The following SMOC1 variants were observed in gnomAD, a reference collection of about 807,000 sequenced individuals.
SMOC1 encodes SPARC related modular calcium binding 1, also known as SPARC-related modular calcium-binding protein 1.
SMOC1 carries 22 observed loss-of-function variants against 56.3 expected under a neutral mutation model. The observed-to-expected ratio is 0.39, with a 90% CI of 0.28 to 0.56. The LOEUF (loss-of-function observed/expected upper bound fraction) is 0.56. Ranked by LOEUF, SMOC1 falls within the 20% of genes least tolerant of loss-of-function variation. SMOC1 has a pLI of 0.61. For synonymous variants in SMOC1, 193 were observed against 215.0 expected (o/e 0.90, Z 0.89); for missense variants, 509 against 565.4 (o/e 0.90, Z 1.01).
intron 10 of SMOC1, among the ~76,000 whole-genome samples, chr14:70,020,128 G>T (rs966209990): frequency 6.8e-6 from 1 of 146,512 alleles, no homozygotes; most frequent in South Asian, 2.2e-4. Flanking sequence ...TAGATCAAGG[G>T]TTTTGTTTTG....
At chr14:69,902,112 A>G (rs1223248128) in intron 1 of SMOC1, among the ~76,000 whole-genome samples, 2 of 152,146 alleles carry the variant, frequency 1.3e-5, no homozygotes, top group Non-Finnish European at 2.9e-5. Context: ...AGTGGATTCA[A>G]TTTGGAGACT....
At chr14:69,940,348 C>T (rs1217826789) in intron 1 of SMOC1, among the ~76,000 whole-genome samples, 3 of 152,286 alleles carry the variant, frequency 2.0e-5, no homozygotes, top group African/African-American at 4.8e-5. Context: ...GAGTATCCAG[C>T]GCTCACTGCC....
intron 1 of SMOC1, among the ~76,000 whole-genome samples, chr14:69,918,476 C>T (rs905454093): frequency 2.6e-5 from 4 of 152,142 alleles, no homozygotes; most frequent in African/African-American, 9.7e-5. Context: ...AATCTGCCCA[C>T]CTTGGCCTCC....
At chr14:69,943,236 G>A (rs1343100211) in intron 1 of SMOC1, among the ~76,000 whole-genome samples, 1 of 152,166 alleles carries the variant, frequency 6.6e-6, no homozygotes, top group Non-Finnish European at 1.5e-5. Context: ...TGTCGCAGAG[G>A]TGTGTGGAGG....
chr14:69,953,526 T>C lies in SMOC1; in HGVS notation c.372T>C (p.Phe124=), dbSNP rs1490694026. The C allele has an allele frequency of 6.2e-7, 1 of 1,613,938 alleles. No individual in the cohort carries two copies. Among genetic ancestry groups the C allele is most frequent in the South Asian group, 1.1e-5 (1 of 91,084 alleles). ...CAGAGTGTGGCGAGGATGGCTCCTT[T>C]ACCCAGGTGAGGCCTCGGACAATCC... is the stretch of plus-strand genomic sequence containing the variant. ...FVPECGEDGS[F]TQVQCHTYTG... The change falls in exon 3 of 12, where the codon TTT becomes TTC. Residue 124 remains phenylalanine, a synonymous_variant. Transcript: ENST00000361956.
At chr14:69,919,879 A>G (rs1884786086) in intron 1 of SMOC1, among the ~76,000 whole-genome samples, 1 of 150,984 alleles carries the variant, frequency 6.6e-6, no homozygotes. Flanking sequence ...TAATACAACC[A>G]TCTGGACTAA....
At chr14:69,912,498 C>T (rs61980627) in intron 1 of SMOC1, among the ~76,000 whole-genome samples, 9 of 152,160 alleles carry the variant, frequency 5.9e-5, no homozygotes, top group African/African-American at 1.2e-4. Flanking sequence ...GCAGTCCTCC[C>T]GTGTTCAGCC....
At chr14:69,908,143 GA>G (rs34654926) in intron 1 of SMOC1, among the ~76,000 whole-genome samples, 1 of 152,108 alleles carries the variant, frequency 6.6e-6, no homozygotes, top group Non-Finnish European at 1.5e-5. Flanking sequence ...TCAGTGTGGG[GA>G]AAAAAGTAGG....
chr14:69,879,664 A>G lies in SMOC1; in HGVS notation c.-15A>G, dbSNP rs757311243. On this transcript the variant is annotated 5_prime_UTR_variant, in exon 1 of 12. Coordinates refer to ENST00000361956, the MANE Select transcript of SMOC1 (RefSeq NM_001034852.3). Reference sequence around the variant, plus strand: ...GAACCCCGCTCGCTGCCGGCTGCCCAGCCTGGCTGGCACCATGCTGCCCGC... The same window carrying G: ...GAACCCCGCTCGCTGCCGGCTGCCCGGCCTGGCTGGCACCATGCTGCCCGC... The G allele has an allele frequency of 1.0e-5, 15 of 1,499,588 alleles. No homozygotes were observed. The East Asian group carries it at 4.3e-4, about 43-fold the overall frequency. The allele number at this position is 1,499,588 out of a possible 1,614,324, so 92.9% of individuals were successfully genotyped here. A position where few individuals can be genotyped will look rare whatever the true frequency, so the allele number is the denominator to read the frequency against.
rs185651603 is a variant in SMOC1, at chr14:69,923,187, C to T, written c.100-28951C>T. 1.9e-3 allele frequency among the ~76,000 whole-genome samples: 293 copies of T among 152,128 alleles called. 1 individual carries two copies. Among genetic ancestry groups the T allele is most frequent in the Non-Finnish European group, 2.6e-3 (175 of 67,984 alleles). On this transcript the variant is annotated intron_variant, in intron 1 of 11. Coordinates refer to ENST00000361956, the MANE Select transcript of SMOC1 (RefSeq NM_001034852.3). ...GTCTCGATCTCCTGACCTCATGATC[C>T]ACCTGCCTTGGCCTCCCAAAGTGCT... is the stretch of plus-strand genomic sequence containing the variant.
At chr14:69,924,125 C>T (rs1884926609) in intron 1 of SMOC1, among the ~76,000 whole-genome samples, 1 of 152,202 alleles carries the variant, frequency 6.6e-6, no homozygotes, top group African/African-American at 2.4e-5. Context: ...CTGAGTCCTC[C>T]CACAGACTTT....
intron 5 of SMOC1, among the ~76,000 whole-genome samples, chr14:69,988,426 A>G (rs1293160993): frequency 6.6e-6 from 1 of 152,200 alleles, no homozygotes; most frequent in East Asian, 1.9e-4. Context: ...ACAGATTCAC[A>G]TACATTTTTC....
chr14:69,903,628 T>C (rs1272594323), intron 1 of SMOC1, among the ~76,000 whole-genome samples: 2 of 152,176 alleles, frequency 1.3e-5, no homozygotes, highest in African/African-American at 4.8e-5. Flanking sequence ...CTCTGAAACA[T>C]GTGCTGTGTC....
At chr14:69,946,129 T>C (rs1882775442) in intron 1 of SMOC1, among the ~76,000 whole-genome samples, 1 of 152,136 alleles carries the variant, frequency 6.6e-6, no homozygotes, top group African/African-American at 2.4e-5. Flanking sequence ...ATTGGGATGG[T>C]CTCCCTGAGC....
At chr14:69,880,730 A>G (rs779674845) in intron 1 of SMOC1, among the ~76,000 whole-genome samples, 11 of 152,252 alleles carry the variant, frequency 7.2e-5, no homozygotes, top group Non-Finnish European at 1.3e-4. Context: ...GCAGCCTGAG[A>G]GTCCATGTGA....
chr14:69,896,046 A>G (rs1391162356), intron 1 of SMOC1, among the ~76,000 whole-genome samples: 1 of 151,674 alleles, frequency 6.6e-6, no homozygotes, highest in Non-Finnish European at 1.5e-5. Context: ...GTCTTGCTAT[A>G]TTGTCTAGGC....
intron 4 of SMOC1, among the ~76,000 whole-genome samples, chr14:69,977,117 C>A (rs182745): frequency 0.52 from 78,469 of 152,026 alleles, 20,938 homozygotes; most frequent in African/African-American, 0.65. Context: ...AGTTCTCACA[C>A]AACTGGTATA....
rs962654605 is a variant in SMOC1 at position 69,879,457 on chromosome 14, C to T, written c.-222C>T. The T allele has an allele frequency of 2.5e-6, 1 of 401,500 alleles. No individual in the cohort carries two copies. The highest frequency in any genetic ancestry group is 4.6e-5 in the Admixed American group (1 of 21,564). 24.9% of individuals were successfully genotyped at this position (401,500 alleles called of 1,614,324 possible). On this transcript the variant is annotated 5_prime_UTR_variant, in exon 1 of 12. Coordinates refer to ENST00000361956, the MANE Select transcript of SMOC1 (RefSeq NM_001034852.3). ...GCCGCCTGGGCCCCGCCGAGCGGAG[C>T]TAGCGCCGCGCGCAGAGCACACGCT...
intron 7 of SMOC1, among the ~76,000 whole-genome samples, chr14:70,004,750 G>T (rs142958445): frequency 1.3e-3 from 197 of 152,210 alleles, no homozygotes; most frequent in African/African-American, 4.6e-3. Context: ...TCTAGCACTT[G>T]TCCCTGTGCT....
Sources: gnomAD v4.1 joint callset for allele counts (sites outside exome capture counted in the v4.1 genomes callset) on GRCh38, gnomAD v4.1.1 for gene constraint, MANE v1.5 for transcripts, NCBI Gene and HGNC (gene_info 2026-07-23, HGNC 2026-07-21) for gene names.